The following NPLOC4 variants were observed in gnomAD, a reference collection of about 807,000 sequenced individuals.
NPLOC4 encodes nuclear protein localization protein 4 homolog.
Under a neutral mutation model 80.6 loss-of-function variants are expected in NPLOC4, and 18 were observed. The observed-to-expected ratio is 0.22, with a 90% CI of 0.15 to 0.33. NPLOC4 has a LOEUF of 0.33. NPLOC4 is among the 10% of genes least tolerant of loss of function. The pLI is 1.00. For synonymous variants in NPLOC4, 313 were observed against 301.5 expected, an observed-to-expected ratio of 1.04 and a Z score of -0.39; for missense variants, 540 against 786.1, an observed-to-expected ratio of 0.69 and a Z score of 3.74.
In NPLOC4 at chr17:81,557,836, A is replaced by T. The variant is rs1424612259; in HGVS notation, c.*1423T>A. The stretch of plus-strand genomic sequence containing the variant: ...AGCAGATGAGCTGCTTGGGCCTTCC[A>T]CTTGGTGTCCCATGCCAGGCGGACC... On this transcript the variant is annotated 3_prime_UTR_variant, in exon 17 of 17. Coordinates refer to ENST00000331134, the MANE Select transcript of NPLOC4 (RefSeq NM_017921.4). The T allele has an allele frequency of 1.3e-5, 2 of 152,252 alleles. No homozygotes were observed. The highest frequency in any genetic ancestry group is 2.4e-5 in the African/African-American group (1 of 41,444). 9.4% of individuals were successfully genotyped at this position (152,252 alleles called of 1,614,324 possible). A position where few individuals can be genotyped will look rare whatever the true frequency, so the allele number is the denominator to read the frequency against.
intron 3 of NPLOC4, among the ~76,000 whole-genome samples, chr17:81,621,035 G>GAAAGGA (rs925076403): frequency 7.0e-6 from 1 of 143,510 alleles, no homozygotes; most frequent in Non-Finnish European, 1.5e-5. Flanking sequence ...GAAAAGGAAA[G>GAAAGGA]AAAGGAAAAG....
chr17:81,627,884 C>T (rs1187229328), intron 2 of NPLOC4, among the ~76,000 whole-genome samples: 2 of 151,882 alleles, frequency 1.3e-5, no homozygotes, highest in African/African-American at 2.4e-5. Context: ...TGCACTGAGC[C>T]GAGATCACGC....
chr17:81,570,665 C>T (rs946928929), intron 13 of NPLOC4, among the ~76,000 whole-genome samples: 2 of 152,246 alleles, frequency 1.3e-5, no homozygotes, highest in Non-Finnish European at 2.9e-5. Context: ...GCCCCCAGAA[C>T]CCACAAAGAA....
At chr17:81,575,382 T>C (rs2034271975) in intron 12 of NPLOC4, among the ~76,000 whole-genome samples, 1 of 152,184 alleles carries the variant, frequency 6.6e-6, no homozygotes, top group Admixed American at 6.5e-5. Context: ...ACTACAGGCG[T>C]GAGCCACAGC....
intron 15 of NPLOC4, among the ~76,000 whole-genome samples, chr17:81,565,877 A>T (rs1046333053): frequency 7.2e-5 from 11 of 152,148 alleles, no homozygotes; most frequent in Non-Finnish European, 1.5e-4. Context: ...AGCCCGGAGG[A>T]TAGGAGCTCA....
intron 16 of NPLOC4, chr17:81,563,822 T>C (rs961000013): frequency 2.7e-5 from 11 of 407,196 alleles, no homozygotes; most frequent in African/African-American, 8.3e-5. Flanking sequence ...ATGGATGCAG[T>C]TGAAGGCCAT....
rs1256016764 is a variant in NPLOC4, at chr17:81,558,598, TAA to T, written c.*659_*660del. 6.6e-6 allele frequency: 1 copy of T among 152,064 alleles called. No individual in the cohort carries two copies. The highest frequency in any genetic ancestry group is 2.4e-5 in the African/African-American group (1 of 41,404). 9.4% of individuals were successfully genotyped at this position (152,064 alleles called of 1,614,324 possible). A position where few individuals can be genotyped will look rare whatever the true frequency, so the allele number is the denominator to read the frequency against. On this transcript the variant is annotated 3_prime_UTR_variant, in exon 17 of 17. Transcript: ENST00000331134. ...AGTTTTTATCTTAAAAAAAAATAAA[TAA>T]AAGTCTTCTGGGCAGGAATTACTGA...
intron 1 of NPLOC4, among the ~76,000 whole-genome samples, chr17:81,634,087 G>A (rs761378084): frequency 1.5e-4 from 22 of 151,640 alleles, no homozygotes; most frequent in Non-Finnish European, 2.2e-4. Context: ...GCCCAGGCTG[G>A]TCTCAAACTC....
In NPLOC4 at chr17:81,580,694, G is replaced by A. The variant is rs1428188399; in HGVS notation, c.1281+8250C>T. Among the ~76,000 whole-genome samples, 3 of 152,208 alleles carry A rather than the reference G, an allele frequency of 2.0e-5. No individual in the cohort carries two copies. The East Asian group carries it at 5.8e-4, about 29-fold the overall frequency. The stretch of plus-strand genomic sequence containing the variant: ...AAGCTTCTCTACCCGTTCCGCTGGG[G>A]TGGCCCACCTCCCCTGCTGCAGCAG... On this transcript the variant is annotated intron_variant, in intron 12 of 16. Coordinates refer to ENST00000331134, the MANE Select transcript of NPLOC4 (RefSeq NM_017921.4). This position sits in a 1 kb window ranked among gnomAD's most constrained non-coding sequence, Gnocchi z 4.4.
intron 8 of NPLOC4, 116 bp from the exon 9 acceptor site, chr17:81,600,543 G>A (rs1423357984): frequency 2.8e-6 from 2 of 725,942 alleles, no homozygotes; most frequent in African/African-American, 3.5e-5. Flanking sequence ...CTCCTTGTCA[G>A]AAAGGAGAAC....
chr17:81,582,806 G>A (rs570114126), intron 12 of NPLOC4, among the ~76,000 whole-genome samples: 3 of 152,382 alleles, frequency 2.0e-5, no homozygotes, highest in African/African-American at 7.2e-5. Context: ...TGGGCAGGAG[G>A]TCCCAGCCTG....
intron 9 of NPLOC4, among the ~76,000 whole-genome samples, chr17:81,598,680 C>G (rs2034985815): frequency 6.6e-6 from 1 of 152,166 alleles, no homozygotes. Flanking sequence ...AGGCCCGCCT[C>G]TGCCTGTGAA....
At chr17:81,636,323 T>C (rs552781080) in intron 1 of NPLOC4, 1 of 152,188 alleles carries the variant, frequency 6.6e-6, no homozygotes, top group Non-Finnish European at 1.5e-5. Flanking sequence ...ACAACATTCC[T>C]TTTAAAGAGG....
chr17:81,559,469 G>C (rs568502633), intron 16 of NPLOC4, 53 bp from the exon 17 acceptor site: 6 of 1,544,382 alleles, frequency 3.9e-6, no homozygotes, highest in Non-Finnish European at 5.3e-6. Flanking sequence ...ACCAGAGACT[G>C]CCAGAGTGTG....
chr17:81,564,105 C>CACACACACACACACACACACAG (rs762577157), intron 16 of NPLOC4: 16,807 of 333,304 alleles, frequency 0.05, 430 homozygotes, highest in Admixed American at 0.07. Context: ...CACACACACA[C>CACACACACACACACACACACAG]ACACACACAC....
intron 1 of NPLOC4, among the ~76,000 whole-genome samples, chr17:81,636,222 C>T (rs1035902476): frequency 2.4e-4 from 37 of 152,130 alleles, no homozygotes; most frequent in Admixed American, 1.8e-3. Flanking sequence ...CCACCCGCCT[C>T]GGCCTCCCAA....
rs371360326 is a variant in NPLOC4 at position 81,613,349 on chromosome 17, C to A, written c.355G>T (p.Gly119Trp). ...GGGTCTCGGCTTCTGTAAATCTTCC[C>A]GTCCTGTTTGCTGAGGTACTGATCA... ...EIDQYLSKQDGKIYRSRDPQL... is the reference protein window; with the variant it reads ...EIDQYLSKQDWKIYRSRDPQL... The change falls in exon 4 of 17, where the codon GGG becomes TGG. Residue 119 changes from glycine to tryptophan, a missense_variant. By Grantham distance (184) the Gly-to-Trp change is radical. This residue lies in a region of NPLOC4 where 74 missense variants were observed against 75.7 expected (regional missense o/e 0.98). Coordinates refer to ENST00000331134, the MANE Select transcript of NPLOC4 (RefSeq NM_017921.4). 6.2e-7 allele frequency: 1 copy of A among 1,613,798 alleles called. No individual in the cohort carries two copies. The highest frequency in any genetic ancestry group is 8.5e-7 in the Non-Finnish European group (1 of 1,179,822).
At chr17:81,616,342 A>G (rs1448665632) in intron 3 of NPLOC4, among the ~76,000 whole-genome samples, 1 of 119,740 alleles carries the variant, frequency 8.4e-6, no homozygotes, top group Non-Finnish European at 1.7e-5. Context: ...AAAAAAAGAA[A>G]AGCAAAGCTG....
chr17:81,610,255 G>A lies in NPLOC4; in HGVS notation c.390C>T (p.Cys130=), dbSNP rs1375529450. The A allele has an allele frequency of 3.2e-6, 5 of 1,571,640 alleles. No individual in the cohort carries two copies. The South Asian group carries it at 4.7e-5, about 15-fold the overall frequency. Residue 130 remains cysteine (C), a synonymous_variant, in exon 5 of 17, where the codon TGC becomes TGT. Coordinates refer to ENST00000331134, the MANE Select transcript of NPLOC4 (RefSeq NM_017921.4). ...CGCATTTCCCCAAAGGGCCGTGGCG[G>A]CATCTGAGGAGAGTACAAGGCAGAA... ...KIYRSRDPQL[C]RHGPLGKCVH...
Sources: gnomAD v4.1 joint callset for allele counts (sites outside exome capture counted in the v4.1 genomes callset) on GRCh38, gnomAD v4.1.1 for gene constraint, gnomAD v4.1.1 regional missense constraint, Gnocchi (gnomAD v3.1) non-coding constraint, MANE v1.5 for transcripts, NCBI Gene and HGNC (gene_info 2026-07-23, HGNC 2026-07-21) for gene names.